The following PPIG variants were observed in gnomAD, a reference collection of about 807,000 sequenced individuals.
PPIG encodes peptidylprolyl isomerase G.
A neutral mutation model predicts 87.9 loss-of-function variants in PPIG; 26 were observed. That is an observed-to-expected ratio of 0.30 (90% CI 0.22 to 0.41). PPIG has a LOEUF of 0.41. PPIG is among the 10% of genes least tolerant of loss of function. PPIG has a pLI of 1.00. For missense variants in PPIG, 722 were observed against 879.4 expected, an observed-to-expected ratio of 0.82 and a Z score of 2.26; for synonymous variants, 308 against 276.5, an observed-to-expected ratio of 1.11 and a Z score of -1.13.
chr2:169,609,273 A>G (rs552669397), intron 7 of PPIG, among the ~76,000 whole-genome samples: 3 of 152,008 alleles, frequency 2.0e-5, no homozygotes, highest in East Asian at 3.9e-4. Context: ...CAGTGTTGCA[A>G]TCATGGCTCA....
chr2:169,628,783 A>T (rs1049070831), intron 9 of PPIG, among the ~76,000 whole-genome samples: 13 of 151,904 alleles, frequency 8.6e-5, no homozygotes, highest in African/African-American at 3.1e-4. Context: ...CTACAAAAAT[A>T]AAAATTAAAA....
At chr2:169,606,516 C>T (rs889133979) in intron 5 of PPIG, among the ~76,000 whole-genome samples, 2 of 138,704 alleles carry the variant, frequency 1.4e-5, no homozygotes, top group South Asian at 2.2e-4. Context: ...GGCTTGAACC[C>T]GAAAGGTGGA....
chr2:169,624,651 G>A (rs529011538), intron 9 of PPIG, among the ~76,000 whole-genome samples: 5 of 152,272 alleles, frequency 3.3e-5, no homozygotes, highest in South Asian at 2.1e-4. Flanking sequence ...GCAGTGGTGC[G>A]TTCTCGGCTC....
chr2:169,640,488 T>A lies in PPIG; in HGVS notation c.*2965T>A, dbSNP rs749381886. 1 of 152,186 alleles carries A rather than the reference T, an allele frequency of 6.6e-6. No individual in the cohort carries two copies. The highest frequency in any genetic ancestry group is 1.5e-5 in the Non-Finnish European group (1 of 68,022). 9.4% of individuals were successfully genotyped at this position (152,186 alleles called of 1,614,324 possible). A position where few individuals can be genotyped will look rare whatever the true frequency, so the allele number is the denominator to read the frequency against. On this transcript the variant is annotated 3_prime_UTR_variant, in exon 14 of 14. Transcript: ENST00000260970. ...TTCATTCCAGTTGGTAATATAGTTT[T>A]CATCACACTAAACTTTTTATACTAA...
chr2:169,604,556 G>A (rs1685267975), intron 4 of PPIG, among the ~76,000 whole-genome samples: 2 of 151,884 alleles, frequency 1.3e-5, no homozygotes, highest in South Asian at 2.1e-4. Flanking sequence ...GCAGTGACTA[G>A]GGCGTGAAAG....
At chr2:169,609,013 G>C (rs552656574) in intron 7 of PPIG, among the ~76,000 whole-genome samples, 13 of 151,176 alleles carry the variant, frequency 8.6e-5, no homozygotes, top group South Asian at 2.1e-4. Context: ...GAACCCGGGA[G>C]GGGGAGCTTA....
At position 169,639,333 on chromosome 2, in the gene PPIG, A is replaced by G. The variant is rs533266170; in HGVS notation, c.*1810A>G. ...GTTATTGTTTGTCTTAATTTCAGTT[A>G]ACTGCATTTTAAAATTGTTGTTATA... On this transcript the variant is annotated 3_prime_UTR_variant, in exon 14 of 14. Transcript: ENST00000260970. The G allele has an allele frequency of 6.6e-6, 1 of 152,214 alleles. No homozygotes were observed. Among genetic ancestry groups the G allele is most frequent in the African/African-American group, 2.4e-5 (1 of 41,564 alleles). 9.4% of individuals were successfully genotyped at this position (152,214 alleles called of 1,614,324 possible).
In PPIG at chr2:169,637,139, C is replaced by T. The variant is rs1433167104; in HGVS notation, c.1881C>T (p.Asp627=). The change falls in exon 14 of 14, where the codon GAC becomes GAT. Residue 627 remains aspartate (D), a synonymous_variant. Transcript: ENST00000260970. ...AAGATAGGAGGAGAAGGAGGAGAGA[C>T]TCACGGAGCTCAGAGAGAGAAGAAA... ...RSKDRRRRRR[D]SRSSEREESQ... 2 of 1,612,190 alleles carry T rather than the reference C, an allele frequency of 1.2e-6. No individual in the cohort carries two copies. Among genetic ancestry groups the T allele is most frequent in the Admixed American group, 3.4e-5 (2 of 59,632 alleles).
chr2:169,611,954 A>G (rs923913827), intron 7 of PPIG, among the ~76,000 whole-genome samples: 34 of 152,074 alleles, frequency 2.2e-4, no homozygotes, highest in African/African-American at 6.5e-4. Flanking sequence ...TAAGTGTACA[A>G]TTCAGTCTTG....
chr2:169,612,479 G>C (rs570383322), intron 7 of PPIG, among the ~76,000 whole-genome samples: 12 of 150,170 alleles, frequency 8.0e-5, no homozygotes, highest in Non-Finnish European at 1.8e-4. Context: ...CACCTCCCGG[G>C]TTCACGCCAT....
chr2:169,629,818 A>G (rs1412511603), intron 9 of PPIG, among the ~76,000 whole-genome samples: 2 of 152,144 alleles, frequency 1.3e-5, no homozygotes, highest in African/African-American at 4.8e-5. Flanking sequence ...ACAAAGAGCT[A>G]TTTCCCTTCA....
At chr2:169,615,952 C>T (rs1685599025) in intron 9 of PPIG, among the ~76,000 whole-genome samples, 1 of 152,120 alleles carries the variant, frequency 6.6e-6, no homozygotes, top group East Asian at 1.9e-4. Flanking sequence ...AACCCATCAG[C>T]CCGTCATCTA....
intron 1 of PPIG, among the ~76,000 whole-genome samples, chr2:169,599,868 A>G (rs928408915): frequency 6.6e-5 from 10 of 152,140 alleles, no homozygotes; most frequent in Non-Finnish European, 1.3e-4. Context: ...AACTATGACA[A>G]TGTATTTTCC....
chr2:169,631,925 AAG>A lies in PPIG; in HGVS notation c.926_927del (p.Glu309ValfsTer2), dbSNP rs759389461. 1 of 1,598,608 alleles carries A rather than the reference AAG, an allele frequency of 6.3e-7. No homozygotes were observed. The highest frequency in any genetic ancestry group is 8.6e-7 in the Non-Finnish European group (1 of 1,168,110). On this transcript the variant is annotated frameshift_variant, in exon 11 of 14. Coordinates refer to ENST00000260970, the MANE Select transcript of PPIG (RefSeq NM_004792.3). LOFTEE classifies it high-confidence loss of function. Reference protein sequence around the residue: ...ERKNRERERERECNPPNSQPA... With the variant: ...ERKNREREREXECNPPNSQPA... ...GGAAAAACAGAGAGAGAGAAAGGGA[AAG>A]AGAGTGGTATGTGAATATGTATATT... is the stretch of plus-strand genomic sequence containing the variant.
At chr2:169,613,013 CTA>C (rs1243624091) in intron 7 of PPIG, among the ~76,000 whole-genome samples, 2 of 152,168 alleles carry the variant, frequency 1.3e-5, no homozygotes, top group East Asian at 3.8e-4. Flanking sequence ...ATTTGCCACA[CTA>C]TGTGTATCTG....
intron 9 of PPIG, among the ~76,000 whole-genome samples, chr2:169,617,820 C>G (rs1188048317): frequency 6.6e-6 from 1 of 152,162 alleles, no homozygotes; most frequent in Non-Finnish European, 1.5e-5. Context: ...TTGACTTCCT[C>G]TCTTCCTATG....
In PPIG at chr2:169,608,789, A is replaced by AT. The variant is rs764009578; in HGVS notation, c.377+32dup. The AT allele has an allele frequency of 3.6e-5, 55 of 1,529,228 alleles. 2 individuals carry two copies. The Middle Eastern group carries it at 6.5e-4, about 18-fold the overall frequency. 94.7% of individuals were successfully genotyped at this position (1,529,228 alleles called of 1,614,324 possible). On this transcript the variant is annotated intron_variant, in intron 7 of 13. Coordinates refer to ENST00000260970, the MANE Select transcript of PPIG (RefSeq NM_004792.3). ...TATTTATTATCTGATGATTTAAAAC[A>AT]TCCCATTTTTGGGCCGGGCACGGTG...
At chr2:169,590,436 C>G (rs904728836) in intron 1 of PPIG, among the ~76,000 whole-genome samples, 1 of 152,066 alleles carries the variant, frequency 6.6e-6, no homozygotes, top group South Asian at 2.1e-4. Flanking sequence ...GTCAGGAGAT[C>G]GAGACCATCC....
intron 10 of PPIG, 74 bp downstream of exon 10, chr2:169,631,061 C>G: frequency 1.5e-6 from 2 of 1,320,354 alleles, no homozygotes; most frequent in East Asian, 5.0e-5. Flanking sequence ...GATTTTGGGT[C>G]AATTATATGA....
Sources: gnomAD v4.1 joint callset for allele counts (sites outside exome capture counted in the v4.1 genomes callset) on GRCh38, gnomAD v4.1.1 for gene constraint, MANE v1.5 for transcripts, NCBI Gene and HGNC (gene_info 2026-07-23, HGNC 2026-07-21) for gene names.